Variants in DLG2 observed in about 807,000 individuals in gnomAD.
The protein encoded by DLG2 is disks large homolog 2.
Under a neutral mutation model 132.5 loss-of-function variants are expected in DLG2, and 45 were observed. The ratio of observed to expected loss-of-function variants is 0.34; its 90% confidence interval spans 0.27 to 0.44. The LOEUF is 0.44. Ranked by LOEUF, DLG2 falls within the 20% of genes least tolerant of loss-of-function variation. DLG2 has a pLI of 1.00. For synonymous variants in DLG2, 424 were observed against 419.6 expected, an observed-to-expected ratio of 1.01 and a Z score of -0.13; for missense variants, 1,045 against 1,196.9, an observed-to-expected ratio of 0.87 and a Z score of 1.87.
chr11:84,795,388 C>T (rs1228836468), intron 6 of DLG2, among the ~76,000 whole-genome samples: 1 of 152,152 alleles, frequency 6.6e-6, no homozygotes, highest in African/African-American at 2.4e-5. Flanking sequence ...GAAAGCTGAA[C>T]ACTTGACACG....
intron 6 of DLG2, among the ~76,000 whole-genome samples, chr11:84,706,716 AAAGG>A (rs1040927465): frequency 6.6e-6 from 1 of 151,638 alleles, no homozygotes; most frequent in Non-Finnish European, 1.5e-5. Context: ...AGAAAGGAAG[AAAGG>A]AAGGAAGGGA....
At chr11:85,381,749 A>G (rs1008780113) in intron 3 of DLG2, among the ~76,000 whole-genome samples, 1 of 152,142 alleles carries the variant, frequency 6.6e-6, no homozygotes, top group Non-Finnish European at 1.5e-5. Flanking sequence ...AGACAATTCC[A>G]TTTGTAAATT....
chr11:84,524,714 C>G (rs1378979722), intron 7 of DLG2, among the ~76,000 whole-genome samples: 1 of 152,016 alleles, frequency 6.6e-6, no homozygotes, highest in Non-Finnish European at 1.5e-5. Flanking sequence ...CCTAAAATAT[C>G]AAGAATCAGA....
chr11:83,849,600 A>G (rs1450719316), intron 16 of DLG2, among the ~76,000 whole-genome samples: 1 of 152,042 alleles, frequency 6.6e-6, no homozygotes, highest in African/African-American at 2.4e-5. Context: ...GGTCTATGGA[A>G]GGTTTGCTGA....
At chr11:85,511,805 A>T (rs1284664765) in intron 3 of DLG2, among the ~76,000 whole-genome samples, 3 of 151,618 alleles carry the variant, frequency 2.0e-5, no homozygotes, top group Non-Finnish European at 4.4e-5. Flanking sequence ...TGCAGCCTCA[A>T]ACTCCTGGGC....
At chr11:83,813,017 C>T (rs544521716) in intron 17 of DLG2, among the ~76,000 whole-genome samples, 2 of 152,160 alleles carry the variant, frequency 1.3e-5, no homozygotes, top group South Asian at 2.1e-4. Context: ...CTCTATACCC[C>T]TTGGCACATT....
At chr11:85,021,538 T>C in intron 6 of DLG2, 1 of 1,587,062 alleles carries the variant, frequency 6.3e-7, no homozygotes, top group Non-Finnish European at 8.7e-7. Context: ...TTTGCCATAC[T>C]TCGAAAAGAT....
chr11:83,502,320 C>T (rs1012188342), intron 21 of DLG2, among the ~76,000 whole-genome samples: 4 of 152,092 alleles, frequency 2.6e-5, no homozygotes, highest in Admixed American at 2.0e-4. Flanking sequence ...ATCTATTATA[C>T]GATACTACCT....
chr11:83,707,340 T>C (rs913557381), intron 18 of DLG2, among the ~76,000 whole-genome samples: 1 of 152,206 alleles, frequency 6.6e-6, no homozygotes, highest in Non-Finnish European at 1.5e-5. Context: ...ATTCCTGAAT[T>C]ATATCCAGTA....
intron 6 of DLG2, among the ~76,000 whole-genome samples, chr11:85,057,695 T>G (rs2063601608): frequency 6.6e-6 from 1 of 151,364 alleles, no homozygotes; most frequent in African/African-American, 2.4e-5. Flanking sequence ...ACAAAAACAG[T>G]ATAGGAAAGG....
intron 6 of DLG2, among the ~76,000 whole-genome samples, chr11:84,907,267 A>G (rs1218129057): frequency 3.3e-5 from 5 of 152,212 alleles, no homozygotes; most frequent in Non-Finnish European, 7.3e-5. Context: ...TGAAGGAATG[A>G]TATTTCCAAA....
chr11:84,703,857 G>GATATATATGTGTGTATATAT (rs1555174774), intron 6 of DLG2, among the ~76,000 whole-genome samples: 22 of 102,694 alleles, frequency 2.1e-4, no homozygotes, highest in African/African-American at 9.1e-4. Context: ...ATGTAGTGAA[G>GATATATATGTGTGTATATAT]ATATATATAT....
At chr11:85,190,858 A>T (rs543737223) in intron 4 of DLG2, among the ~76,000 whole-genome samples, 1 of 152,350 alleles carries the variant, frequency 6.6e-6, no homozygotes, top group East Asian at 1.9e-4. Context: ...AGAAAATGAC[A>T]GATGTTGGTG....
intron 7 of DLG2, among the ~76,000 whole-genome samples, chr11:84,444,748 G>A (rs745357615): frequency 6.7e-6 from 1 of 149,862 alleles, no homozygotes; most frequent in Non-Finnish European, 1.5e-5. Context: ...TCATAAATTT[G>A]TACAATAGAG....
intron 3 of DLG2, among the ~76,000 whole-genome samples, chr11:85,424,983 G>A (rs1323300782): frequency 6.6e-6 from 1 of 151,866 alleles, no homozygotes; most frequent in Non-Finnish European, 1.5e-5. Context: ...AGTTTCCATG[G>A]TCACCTTAAT....
chr11:85,234,888 G>A (rs534501157), intron 4 of DLG2, among the ~76,000 whole-genome samples: 12 of 151,700 alleles, frequency 7.9e-5, no homozygotes, highest in Non-Finnish European at 1.5e-4. Flanking sequence ...CATCAAGAGG[G>A]ACAAAAATCA....
intron 18 of DLG2, among the ~76,000 whole-genome samples, chr11:83,706,303 A>AT (rs1488304076): frequency 6.6e-6 from 1 of 151,988 alleles, no homozygotes; most frequent in African/African-American, 2.4e-5. Context: ...ATTCTATATC[A>AT]GGTGTTGTGC....
At chr11:85,051,311 A>G (rs1315828614) in intron 6 of DLG2, among the ~76,000 whole-genome samples, 1 of 152,176 alleles carries the variant, frequency 6.6e-6, no homozygotes, top group Non-Finnish European at 1.5e-5. Flanking sequence ...CTGTAAGAAG[A>G]TAGACCATTG....
intron 6 of DLG2, among the ~76,000 whole-genome samples, chr11:84,888,625 C>G (rs1179016498): frequency 6.6e-6 from 1 of 151,956 alleles, no homozygotes; most frequent in Non-Finnish European, 1.5e-5. Context: ...CCCTAATATA[C>G]TCTTGTTCAT....
Sources: gnomAD v4.1 joint callset for allele counts (sites outside exome capture counted in the v4.1 genomes callset) on GRCh38, gnomAD v4.1.1 for gene constraint, MANE v1.5 for transcripts, NCBI Gene and HGNC (gene_info 2026-07-23, HGNC 2026-07-21) for gene names.